Variants in SLIT2 observed in about 807,000 individuals in gnomAD.
The protein encoded by SLIT2 is slit homolog 2 protein.
A neutral mutation model predicts 185.7 loss-of-function variants in SLIT2; 41 were observed. The observed-to-expected ratio is 0.22, with a 90% CI of 0.17 to 0.29. SLIT2 has a LOEUF of 0.29. Among genes scored for constraint, SLIT2 ranks in the 10% least tolerant of loss-of-function variants. SLIT2 has a pLI of 1.00. For synonymous variants in SLIT2, 693 were observed against 680.2 expected (o/e 1.02, Z -0.29); for missense variants, 1,571 against 1,909.0 (o/e 0.82, Z 3.30).
intron 19 of SLIT2, among the ~76,000 whole-genome samples, chr4:20,540,201 T>C (rs928695666): frequency 6.6e-6 from 1 of 151,782 alleles, no homozygotes; most frequent in Non-Finnish European, 1.5e-5. Context: ...GGCAGGAGAA[T>C]TGCTTGAACT....
At chr4:20,588,899 T>C (rs1727282113) in intron 29 of SLIT2, among the ~76,000 whole-genome samples, 1 of 152,192 alleles carries the variant, frequency 6.6e-6, no homozygotes, top group Non-Finnish European at 1.5e-5. Context: ...CCTGTCTCTG[T>C]ATTGAGTCTC....
At chr4:20,304,829 G>C (rs1717388662) in intron 4 of SLIT2, among the ~76,000 whole-genome samples, 1 of 152,118 alleles carries the variant, frequency 6.6e-6, no homozygotes, top group Admixed American at 6.5e-5. Context: ...AATTTTAAGA[G>C]AGCGTGATTG....
At chr4:20,416,080 A>G (rs1727658546) in intron 4 of SLIT2, among the ~76,000 whole-genome samples, 1 of 152,218 alleles carries the variant, frequency 6.6e-6, no homozygotes, top group Non-Finnish European at 1.5e-5. Context: ...ATCTTTGGAA[A>G]ATGTATCAAC....
At chr4:20,614,397 A>G (rs957342056) in intron 34 of SLIT2, among the ~76,000 whole-genome samples, 3 of 152,056 alleles carry the variant, frequency 2.0e-5, no homozygotes, top group East Asian at 1.9e-4. Flanking sequence ...GCTGTTTGCT[A>G]AGTTATCTGT....
intron 8 of SLIT2, 127 bp downstream of exon 8, chr4:20,489,109 A>G (rs966615072): frequency 1.2e-5 from 7 of 584,592 alleles, no homozygotes; most frequent in Non-Finnish European, 2.0e-5. Flanking sequence ...TAATCACTCT[A>G]CAGAGATCCT....
chr4:20,514,922 TCAA>T (rs1308562967), intron 11 of SLIT2, among the ~76,000 whole-genome samples: 1 of 152,150 alleles, frequency 6.6e-6, no homozygotes, highest in Non-Finnish European at 1.5e-5. Context: ...CAATGTGACA[TCAA>T]CAAGATTTCT....
chr4:20,416,375 G>A (rs1406199011), intron 4 of SLIT2, among the ~76,000 whole-genome samples: 1 of 152,082 alleles, frequency 6.6e-6, no homozygotes, highest in African/African-American at 2.4e-5. Flanking sequence ...TTGGATTAGG[G>A]CCACATACTT....
chr4:20,573,258 A>C (rs549478092), intron 29 of SLIT2: 1 of 702,934 alleles, frequency 1.4e-6, no homozygotes, highest in East Asian at 2.7e-5. Context: ...GAGGTGGAAA[A>C]AGGTTAGTTG....
chr4:20,387,718 G>C (rs1008449652), intron 4 of SLIT2, among the ~76,000 whole-genome samples: 2 of 152,082 alleles, frequency 1.3e-5, no homozygotes, highest in Non-Finnish European at 2.9e-5. Context: ...GAGAGCAGAG[G>C]GTGGCCACCA....
chr4:20,338,154 T>G (rs1331549031), intron 4 of SLIT2, among the ~76,000 whole-genome samples: 2 of 152,208 alleles, frequency 1.3e-5, no homozygotes, highest in African/African-American at 4.8e-5. Flanking sequence ...ATTTTTAAAT[T>G]GTTCTCATTC....
At chr4:20,608,301 C>T (rs1311174214) in intron 33 of SLIT2, among the ~76,000 whole-genome samples, 1 of 152,082 alleles carries the variant, frequency 6.6e-6, no homozygotes, top group East Asian at 1.9e-4. Flanking sequence ...AAATGCAGGA[C>T]CACGATTCGA....
intron 4 of SLIT2, among the ~76,000 whole-genome samples, chr4:20,402,048 G>A (rs1405087572): frequency 2.0e-5 from 3 of 151,736 alleles, no homozygotes; most frequent in Non-Finnish European, 2.9e-5. Context: ...GGGATAGTGG[G>A]AAGTGTGGAC....
At chr4:20,565,129 A>G (rs1002790912) in intron 26 of SLIT2, among the ~76,000 whole-genome samples, 1 of 152,000 alleles carries the variant, frequency 6.6e-6, no homozygotes, top group Non-Finnish European at 1.5e-5. Context: ...GGAACATGTC[A>G]CATTCCACAG....
At position 20,591,882 on chromosome 4, in the gene SLIT2, A is replaced by G. The variant is rs1727546822; in HGVS notation, c.3182+2145A>G. On this transcript the variant is annotated intron_variant, in intron 30 of 36. Transcript: ENST00000504154. ...AAGTGAGTTTGTCTGCAAAAAGACT[A>G]ATCCTTAATTAAATATCTCCTCTCG... Among the ~76,000 whole-genome samples the G allele has an allele frequency of 2.0e-5, 3 of 152,246 alleles. No homozygotes were observed. The East Asian group carries it at 5.8e-4, about 29-fold the overall frequency.
intron 15 of SLIT2, 35 bp downstream of exon 15, chr4:20,525,207 C>A (rs370281823): frequency 1.5e-5 from 23 of 1,502,314 alleles, no homozygotes; most frequent in Non-Finnish European, 2.0e-5. Context: ...TAACTACAGA[C>A]ACCCTTTCCT....
At chr4:20,597,799 A>G (rs1378760223) in intron 32 of SLIT2, among the ~76,000 whole-genome samples, 2 of 152,210 alleles carry the variant, frequency 1.3e-5, no homozygotes, top group African/African-American at 2.4e-5. Flanking sequence ...TAACTTAGCT[A>G]ATTAATCCTT....
At chr4:20,292,292 C>G (rs962002837) in intron 4 of SLIT2, among the ~76,000 whole-genome samples, 1 of 152,098 alleles carries the variant, frequency 6.6e-6, no homozygotes, top group East Asian at 1.9e-4. Context: ...TGATTAGAAT[C>G]GTTGCAGCCA....
intron 4 of SLIT2, among the ~76,000 whole-genome samples, chr4:20,297,380 T>G (rs1716581469): frequency 6.6e-6 from 1 of 152,208 alleles, no homozygotes; most frequent in Non-Finnish European, 1.5e-5. Flanking sequence ...GTTCTAATGA[T>G]TGCCTCAGAG....
chr4:20,620,444 C>A lies in SLIT2; in HGVS notation c.*1435C>A. ...TGCAGATGTTTCTTCCTGAAAACTTCTTTTTTTACAAAGAAAATTAGATGT... is the reference window on the plus strand; with the variant it reads ...TGCAGATGTTTCTTCCTGAAAACTTATTTTTTTACAAAGAAAATTAGATGT... On this transcript the variant is annotated 3_prime_UTR_variant, in exon 37 of 37. Transcript: ENST00000504154. 4.4e-6 allele frequency: 2 copies of A among 453,746 alleles called. No individual in the cohort carries two copies. The highest frequency in any genetic ancestry group is 3.1e-5 in the South Asian group (2 of 63,728). The allele number at this position is 453,746 out of a possible 1,614,324, so 28.1% of individuals were successfully genotyped here.
Sources: allele counts gnomAD v4.1 joint callset (sites outside exome capture counted in the v4.1 genomes callset), GRCh38; gene constraint gnomAD v4.1.1; transcripts MANE v1.5; gene names NCBI Gene and HGNC (gene_info 2026-07-23, HGNC 2026-07-21).